The following SLC7A8 variants were observed in gnomAD, a reference collection of about 807,000 sequenced individuals.
SLC7A8 encodes solute carrier family 7 member 8, also known as large neutral amino acids transporter small subunit 2.
In SLC7A8, 30 loss-of-function variants were observed where a neutral mutation model predicts 51.2. The ratio of observed to expected loss-of-function variants is 0.59; its 90% confidence interval spans 0.44 to 0.80. SLC7A8 has a LOEUF of 0.80. Ranked by LOEUF, SLC7A8 falls within the 30% of genes least tolerant of loss-of-function variation. The probability of loss-of-function intolerance (pLI) is 0.00; values close to 1 mark genes in which losing one functional copy is unlikely to be tolerated. For synonymous variants in SLC7A8, 257 were observed against 275.8 expected (o/e 0.93, Z 0.67); for missense variants, 612 against 674.4 (o/e 0.91, Z 1.03).
chr14:23,142,543 C>T (rs2048755025), intron 4 of SLC7A8, among the ~76,000 whole-genome samples: 1 of 152,164 alleles, frequency 6.6e-6, no homozygotes, highest in Non-Finnish European at 1.5e-5. Flanking sequence ...CTCAGTCGCC[C>T]AGGCTGGAGT....
intron 3 of SLC7A8, among the ~76,000 whole-genome samples, chr14:23,143,566 G>A (rs547018732): frequency 1.4e-4 from 22 of 152,182 alleles, no homozygotes; most frequent in Non-Finnish European, 2.5e-4. Flanking sequence ...CAGCTGGTGG[G>A]AGTCAGGAAG....
intron 3 of SLC7A8, among the ~76,000 whole-genome samples, chr14:23,147,200 A>G (rs1278689423): frequency 1.3e-5 from 2 of 151,780 alleles, no homozygotes; most frequent in Admixed American, 1.3e-4. Context: ...CCACCCACCC[A>G]TCCAACCATC....
intron 3 of SLC7A8, among the ~76,000 whole-genome samples, chr14:23,154,998 CA>C (rs33973055): frequency 0.11 from 9,530 of 89,352 alleles, 343 homozygotes; most frequent in South Asian, 0.26. Flanking sequence ...ACACAACAGA[CA>C]AAAAAAAAAA....
intron 3 of SLC7A8, among the ~76,000 whole-genome samples, chr14:23,162,806 T>C (rs937172638): frequency 6.6e-6 from 1 of 152,152 alleles, no homozygotes; most frequent in African/African-American, 2.4e-5. Context: ...AAGAAAGCCA[T>C]GGGGTCTGGC....
At chr14:23,133,850 T>C (rs1226823574) in intron 7 of SLC7A8, among the ~76,000 whole-genome samples, 1 of 152,084 alleles carries the variant, frequency 6.6e-6, no homozygotes, top group African/African-American at 2.4e-5. Flanking sequence ...GAACATTATG[T>C]AGTCATAATG....
chr14:23,161,588 G>A (rs1369808688), intron 3 of SLC7A8, among the ~76,000 whole-genome samples: 2 of 148,712 alleles, frequency 1.3e-5, no homozygotes, highest in East Asian at 2.0e-4. Flanking sequence ...CTGGATGATG[G>A]TGGGGGTAGG....
At chr14:23,129,375 T>G in intron 9 of SLC7A8, 1 of 356,910 alleles carries the variant, frequency 2.8e-6, no homozygotes, top group Non-Finnish European at 5.0e-6. Context: ...CAGCTGGAGT[T>G]TAAGGCTTAG....
intron 1 of SLC7A8, among the ~76,000 whole-genome samples, chr14:23,174,131 T>C (rs191978198): frequency 1.8e-4 from 27 of 152,254 alleles, no homozygotes; most frequent in African/African-American, 5.1e-4. Flanking sequence ...CATGGAAAAA[T>C]TCACTCTAAA....
chr14:23,182,795 G>T lies in SLC7A8; in HGVS notation c.120C>A (p.Ile40=), dbSNP rs1884545. Residue 40 remains isoleucine (I), a synonymous_variant, in exon 1 of 11, where the codon ATC becomes ATA. Transcript: ENST00000316902. ...GGGGVALKKE[I]GLVSACGIIV... ...TGATACCACAGGCACTGACCAATCCGATCTCTTTCTTCAGGGCTACTCCGC... is the reference window on the plus strand; with the variant it reads ...TGATACCACAGGCACTGACCAATCCTATCTCTTTCTTCAGGGCTACTCCGC... 1 of 1,608,102 alleles carries T rather than the reference G, an allele frequency of 6.2e-7. No individual in the cohort carries two copies. Among genetic ancestry groups the T allele is most frequent in the Admixed American group, 1.7e-5 (1 of 58,994 alleles).
chr14:23,150,752 CG>C (rs950802877), intron 3 of SLC7A8, among the ~76,000 whole-genome samples: 1 of 152,100 alleles, frequency 6.6e-6, no homozygotes, highest in African/African-American at 2.4e-5. Context: ...AGCAGAGTGG[CG>C]GGGAATGGGA....
chr14:23,177,135 T>A (rs28380081), intron 1 of SLC7A8, among the ~76,000 whole-genome samples: 5,229 of 152,330 alleles, frequency 0.034, 342 homozygotes, highest in African/African-American at 0.12. Context: ...ATATACTTTT[T>A]AATTTTATTA....
chr14:23,134,674 C>T (rs2048672826), intron 7 of SLC7A8, among the ~76,000 whole-genome samples: 1 of 151,986 alleles, frequency 6.6e-6, no homozygotes, highest in African/African-American at 2.4e-5. Context: ...CCTCTAGTCT[C>T]AGCCTCCTGA....
chr14:23,147,178 T>TC (rs1177830621), intron 3 of SLC7A8, among the ~76,000 whole-genome samples: 4 of 151,574 alleles, frequency 2.6e-5, no homozygotes, highest in South Asian at 2.1e-4. Context: ...TATCCATCTA[T>TC]CATCCATCCA....
chr14:23,133,656 G>A (rs9743483), intron 7 of SLC7A8, among the ~76,000 whole-genome samples: 4,532 of 151,566 alleles, frequency 0.03, 234 homozygotes, highest in African/African-American at 0.1. Flanking sequence ...GGGAAACCTC[G>A]TCTCTACTAA....
chr14:23,172,425 T>C (rs2048979361), intron 1 of SLC7A8, among the ~76,000 whole-genome samples: 1 of 152,086 alleles, frequency 6.6e-6, no homozygotes, highest in African/African-American at 2.4e-5. Flanking sequence ...TTTTGGGAGG[T>C]AATTGGGAAA....
At position 23,127,272 on chromosome 14, in the gene SLC7A8, C is replaced by G; in HGVS notation, c.1513G>C (p.Glu505Gln). 6.2e-7 allele frequency: 1 copy of G among 1,614,142 alleles called. No homozygotes were observed. Among genetic ancestry groups the G allele is most frequent in the Non-Finnish European group, 8.5e-7 (1 of 1,179,998 alleles). The change falls in exon 11 of 11, where the codon GAG becomes CAG. Residue 505 changes from glutamate to glutamine, a missense_variant. Physicochemically the swap from Glu to Gln is conservative, Grantham distance 29. Transcript: ENST00000316902. ...YPEVERGSGT[E>Q]EANEDMEEQQ... ...TCCTCCATGTCCTCATTAGCCTCCT[C>G]TGTCCCTGAGCCCCGCTCCACCTCG...
intron 1 of SLC7A8, among the ~76,000 whole-genome samples, chr14:23,178,898 AAAAAAAAAAAAT>A (rs1877041612): frequency 6.6e-6 from 1 of 150,956 alleles, no homozygotes; most frequent in African/African-American, 2.4e-5. Context: ...AAAAAAAAAA[AAAAAAAAAAAAT>A]GAAGATGAGG....
intron 7 of SLC7A8, among the ~76,000 whole-genome samples, 164 bp downstream of exon 7, chr14:23,137,757 C>G (rs1675181509): frequency 6.6e-6 from 1 of 152,156 alleles, no homozygotes; most frequent in African/African-American, 2.4e-5. Flanking sequence ...TCCTCAGCAT[C>G]CACACTGACA....
chr14:23,128,116 C>T lies in SLC7A8; in HGVS notation c.1344G>A (p.Val448=). The T allele has an allele frequency of 3.1e-6, 5 of 1,614,238 alleles. No homozygotes were observed. Among genetic ancestry groups the T allele is most frequent in the Non-Finnish European group, 4.2e-6 (5 of 1,180,038 alleles). The change falls in exon 10 of 11, where the codon GTG becomes GTA. Residue 448 remains valine, a synonymous_variant. Coordinates refer to ENST00000316902, the MANE Select transcript of SLC7A8 (RefSeq NM_012244.4). The surrounding 1 kb of genome is among the most constrained non-coding windows in gnomAD (Gnocchi z 4.3). ...LVFSLWSEPV[V]CGIGLAIMLT... Reference sequence around the variant, plus strand: ...GCATGATGGCCAGGCCAATGCCACACACCACCGGCTCTGACCACAGGCTGA... The same window carrying T: ...GCATGATGGCCAGGCCAATGCCACATACCACCGGCTCTGACCACAGGCTGA...
Sources: gnomAD v4.1 joint callset for allele counts (sites outside exome capture counted in the v4.1 genomes callset) on GRCh38, gnomAD v4.1.1 for gene constraint, Gnocchi (gnomAD v3.1) non-coding constraint, MANE v1.5 for transcripts, NCBI Gene and HGNC (gene_info 2026-07-23, HGNC 2026-07-21) for gene names.